ACBD5: variants seen among roughly 807,000 people sequenced by gnomAD.
ACBD5 encodes acyl-CoA-binding domain-containing protein 5.
In ACBD5, 40 loss-of-function variants were observed where a neutral mutation model predicts 71.8. The ratio of observed to expected loss-of-function variants is 0.56; its 90% confidence interval spans 0.43 to 0.72. The LOEUF (loss-of-function observed/expected upper bound fraction) is 0.72, where lower values mean the gene tolerates loss of function less well. Among genes scored for constraint, ACBD5 ranks in the 30% least tolerant of loss-of-function variants. The probability of loss-of-function intolerance (pLI) is 0.00; values close to 1 mark genes in which losing one functional copy is unlikely to be tolerated. For missense variants in ACBD5, 559 were observed against 644.5 expected, an observed-to-expected ratio of 0.87 and a Z score of 1.44; for synonymous variants, 229 against 218.6, an observed-to-expected ratio of 1.05 and a Z score of -0.42.
At chr10:27,233,079 C>T (rs1258776500) in intron 3 of ACBD5, among the ~76,000 whole-genome samples, 1 of 152,072 alleles carries the variant, frequency 6.6e-6, no homozygotes, top group Non-Finnish European at 1.5e-5. Context: ...ATGGCACTTC[C>T]AGTTCAGGGT....
upstream of ACBD5, chr10:27,242,090 A>G (rs1424182350): frequency 2.2e-6 from 1 of 452,028 alleles, no homozygotes; most frequent in South Asian, 1.6e-5. Flanking sequence ...CTGTCCGGTA[A>G]TGTCCCCGAC....
chr10:27,233,619 G>A (rs957273375), intron 3 of ACBD5, among the ~76,000 whole-genome samples: 1 of 152,136 alleles, frequency 6.6e-6, no homozygotes, highest in Non-Finnish European at 1.5e-5. Flanking sequence ...TAGGGCGGCT[G>A]AGGTGGGAGA....
At chr10:27,237,621 CTT>C (rs60724833) in intron 2 of ACBD5, among the ~76,000 whole-genome samples, 22 of 133,666 alleles carry the variant, frequency 1.6e-4, no homozygotes, top group East Asian at 8.9e-4. Flanking sequence ...GATAGGATAT[CTT>C]TTTTTTTTTT....
upstream of ACBD5, among the ~76,000 whole-genome samples, chr10:27,241,708 G>A (rs1253851934): frequency 6.7e-6 from 1 of 149,546 alleles, no homozygotes; most frequent in East Asian, 2.0e-4. Context: ...CTCTATTTAA[G>A]AAACCAATAA....
In ACBD5 at chr10:27,208,416, T is replaced by G. The variant is rs147305464; in HGVS notation, c.1234A>C (p.Thr412Pro). 1.3e-4 allele frequency: 210 copies of G among 1,614,058 alleles called. No individual in the cohort carries two copies. In the African/African-American group the frequency reaches 2.3e-3, roughly 17 times the overall value. The change falls in exon 10 of 13, where the codon ACC (threonine) becomes CCC (proline). Residue 412 changes from threonine to proline, a missense_variant. By Grantham distance (38) the Thr-to-Pro change is conservative (BLOSUM62 -1). Coordinates refer to ENST00000396271, the MANE Select transcript of ACBD5 (RefSeq NM_145698.5). The stretch of plus-strand genomic sequence containing the variant: ...CCACTTCCCACCTGCCGGCCCTTGG[T>G]TCCTTCGCTCAAGTGTTGCATCCTA... ...GHRMQHLSEG[T>P]KGRQVGSGGD... is the part of the protein sequence containing the mutation.
intron 4 of ACBD5, among the ~76,000 whole-genome samples, chr10:27,225,408 A>C (rs1178933645): frequency 6.6e-6 from 1 of 152,172 alleles, no homozygotes; most frequent in Non-Finnish European, 1.5e-5. Flanking sequence ...ACCATTCCCC[A>C]CTGTGTTATA....
At chr10:27,185,285 C>T (rs934204068) in intron 13 of ACBD5, among the ~76,000 whole-genome samples, 2 of 152,122 alleles carry the variant, frequency 1.3e-5, no homozygotes, top group African/African-American at 4.8e-5. Context: ...GAAGGTTTAT[C>T]AAGGAGCAGA....
At chr10:27,228,269 T>TATA (rs373418049) in intron 4 of ACBD5, among the ~76,000 whole-genome samples, 2 of 17,794 alleles carry the variant, frequency 1.1e-4, no homozygotes, top group African/African-American at 2.6e-4. Flanking sequence ...CCTAAATTTG[T>TATA]ACAAAAAAAA....
intron 12 of ACBD5, among the ~76,000 whole-genome samples, chr10:27,203,875 AATCCTCCTG>A (rs1211755353): frequency 1.3e-5 from 2 of 152,124 alleles, no homozygotes; most frequent in Non-Finnish European, 2.9e-5. Flanking sequence ...TTGCTCAAGT[AATCCTCCTG>A]CTTCGCCCTC....
Position 27,197,265 on chromosome 10 carries a change from T to C in ACBD5, c.*165A>G. On this transcript the variant is annotated 3_prime_UTR_variant, in exon 13 of 13. Transcript: ENST00000396271. ...TTAGTCCTTAAAATGTTATCGTTTG[T>C]GTAGTGCAAAATATATATGTGTATA... The C allele has an allele frequency of 4.2e-6, 3 of 715,834 alleles. No individual in the cohort carries two copies. The South Asian group carries it at 4.6e-5, about 11-fold the overall frequency. 44.3% of individuals were successfully genotyped at this position (715,834 alleles called of 1,614,324 possible).
chr10:27,195,050 C>T (rs536757846), downstream of ACBD5, among the ~76,000 whole-genome samples: 1 of 152,204 alleles, frequency 6.6e-6, no homozygotes, highest in Non-Finnish European at 1.5e-5. Context: ...AACCAGATGA[C>T]TAAATAAGTT....
chr10:27,216,316 T>C (rs1405397696), intron 7 of ACBD5, among the ~76,000 whole-genome samples: 3 of 152,178 alleles, frequency 2.0e-5, no homozygotes, highest in Non-Finnish European at 2.9e-5. Flanking sequence ...ATTTTTTGTA[T>C]ATTTACTTGA....
intron 13 of ACBD5, among the ~76,000 whole-genome samples, chr10:27,184,663 T>C (rs538002929): frequency 1.0e-4 from 15 of 144,578 alleles, no homozygotes; most frequent in Non-Finnish European, 1.8e-4. Context: ...CAGGTTCAAG[T>C]GACTCTCCTG....
In ACBD5 at chr10:27,223,377, C is replaced by T. The variant is rs200352489; in HGVS notation, c.451G>A (p.Glu151Lys). 2.9e-5 allele frequency: 47 copies of T among 1,613,812 alleles called. 1 individual carries two copies. The South Asian group carries it at 4.4e-4, about 15-fold the overall frequency. The change falls in exon 5 of 13, where the codon GAG becomes AAG. Residue 151 changes from glutamate to lysine, a missense_variant. Coordinates refer to ENST00000396271, the MANE Select transcript of ACBD5 (RefSeq NM_145698.5). ...RVIGPFYEIV[E>K]DKKSGRSSDI... ...GAACTCCTGCCACTCTTTTTGTCCT[C>T]GACAATTTCATAAAATGGACCTATG...
intron 8 of ACBD5, among the ~76,000 whole-genome samples, chr10:27,215,213 TAATAA>T (rs2061495189): frequency 6.6e-6 from 1 of 152,038 alleles, no homozygotes; most frequent in Admixed American, 6.6e-5. Flanking sequence ...TCCTGAACAT[TAATAA>T]ATGTTTCAAA....
At chr10:27,200,524 A>C (rs1167563058) in intron 12 of ACBD5, among the ~76,000 whole-genome samples, 1 of 151,538 alleles carries the variant, frequency 6.6e-6, no homozygotes, top group Non-Finnish European at 1.5e-5. Context: ...AGCTCACTGC[A>C]ACCTCTGCCT....
chr10:27,220,594 A>G (rs2062209410), intron 5 of ACBD5: 1 of 152,210 alleles, frequency 6.6e-6, no homozygotes, highest in African/African-American at 2.4e-5. Context: ...ATTGAAAGAC[A>G]ATATTTTTGA....
In ACBD5 at chr10:27,210,802, G is replaced by T. The variant is rs767327898; in HGVS notation, c.1204+12C>A. 6.2e-7 allele frequency: 1 copy of T among 1,613,952 alleles called. No homozygotes were observed. Among genetic ancestry groups the T allele is most frequent in the Non-Finnish European group, 8.5e-7 (1 of 1,179,942 alleles). On this transcript the variant is annotated intron_variant, in intron 9 of 12. Transcript: ENST00000396271. The stretch of plus-strand genomic sequence containing the variant: ...TCAATAAAGGTGAGGGAAGAAAAAA[G>T]GTAATCCACACCTCTTCCTCTTCTA...
chr10:27,195,526 G>T lies in ACBD5; in HGVS notation c.*1904C>A, dbSNP rs1209487702. 1 of 453,208 alleles carries T rather than the reference G, an allele frequency of 2.2e-6. No homozygotes were observed. Among genetic ancestry groups the T allele is most frequent in the Non-Finnish European group, 4.4e-6 (1 of 226,544 alleles). The allele number at this position is 453,208 out of a possible 1,614,324, so 28.1% of individuals were successfully genotyped here. On this transcript the variant is annotated 3_prime_UTR_variant, in exon 13 of 13. Coordinates refer to ENST00000396271, the MANE Select transcript of ACBD5 (RefSeq NM_145698.5). Reference sequence around the variant, plus strand: ...CATTTTATTTATTTATATACTAAGAGAAAAGACACTTTTTACTGATACCAA... The same window carrying T: ...CATTTTATTTATTTATATACTAAGATAAAAGACACTTTTTACTGATACCAA...
Sources: gnomAD v4.1 joint callset for allele counts (sites outside exome capture counted in the v4.1 genomes callset) on GRCh38, gnomAD v4.1.1 for gene constraint, MANE v1.5 for transcripts, NCBI Gene and HGNC (gene_info 2026-07-23, HGNC 2026-07-21) for gene names.